Variants in DNAJC1 observed in about 807,000 individuals in gnomAD.
The protein encoded by DNAJC1 is DnaJ heat shock protein family (Hsp40) member C1.
DNAJC1 carries 58 observed loss-of-function variants against 76.6 expected under a neutral mutation model. The observed-to-expected ratio is 0.76, with a 90% CI of 0.61 to 0.94. The LOEUF (loss-of-function observed/expected upper bound fraction) is 0.94, where lower values mean the gene tolerates loss of function less well. DNAJC1 is among the 40% of genes least tolerant of loss of function. The pLI is 0.00. For synonymous variants in DNAJC1, 258 were observed against 267.9 expected (o/e 0.96, Z 0.36); for missense variants, 689 against 677.3 (o/e 1.02, Z -0.19).
chr10:21,886,846 T>C (rs1836373764), intron 7 of DNAJC1, among the ~76,000 whole-genome samples: 2 of 152,162 alleles, frequency 1.3e-5, no homozygotes, highest in African/African-American at 4.8e-5. Flanking sequence ...AAGGATGCCC[T>C]TTCTCACCAC....
In DNAJC1 at chr10:21,766,246, GA is replaced by G. The variant is rs772523771; in HGVS notation, c.1147+14del. 41 of 1,590,122 alleles carry G rather than the reference GA, an allele frequency of 2.6e-5. 1 individual carries two copies. The highest frequency in any genetic ancestry group is 5.2e-6 in the Non-Finnish European group (6 of 1,158,658). ...ACCACTTTAGATTAATGAGATAGAG[GA>G]AGTATGAACTCACCTGGGGAGCAGG... On this transcript the variant is annotated intron_variant, in intron 10 of 11. Coordinates refer to ENST00000376980, the MANE Select transcript of DNAJC1 (RefSeq NM_022365.4).
intron 2 of DNAJC1, 21 bp from the exon 3 acceptor site, chr10:21,928,573 T>C: frequency 6.3e-7 from 1 of 1,596,630 alleles, no homozygotes; most frequent in South Asian, 1.1e-5. Flanking sequence ...AGCATTACTT[T>C]AAAATAAAAA....
In DNAJC1 at chr10:21,876,196, C is replaced by T. The variant is rs1190909093; in HGVS notation, c.978+6086G>A. The stretch of plus-strand genomic sequence containing the variant: ...CATGATCTCTGCTCACTGCAACCTC[C>T]GATTCCTGGGTTCAAGAGATTCTCC... On this transcript the variant is annotated intron_variant, in intron 8 of 11. Coordinates refer to ENST00000376980, the MANE Select transcript of DNAJC1 (RefSeq NM_022365.4). Among the ~76,000 whole-genome samples, 9 of 151,826 alleles carry T rather than the reference C, an allele frequency of 5.9e-5. No homozygotes were observed. In the East Asian group the frequency reaches 1.6e-3, roughly 26 times the overall value.
chr10:21,849,521 CA>C lies in DNAJC1; in HGVS notation c.978+32760del, dbSNP rs969465228. Among the ~76,000 whole-genome samples, 6 of 151,594 alleles carry C rather than the reference CA, an allele frequency of 4.0e-5. No individual in the cohort carries two copies. In the East Asian group the frequency reaches 7.8e-4, roughly 20 times the overall value. On this transcript the variant is annotated intron_variant, in intron 8 of 11. Transcript: ENST00000376980. ...GACAAAACTGACAAGCCAATACTGA[CA>C]GGGGGAAAAAAAGAGGGGAGATGCA...
At chr10:21,835,514 C>T (rs529245200) in intron 8 of DNAJC1, among the ~76,000 whole-genome samples, 22 of 152,142 alleles carry the variant, frequency 1.4e-4, no homozygotes, top group African/African-American at 3.6e-4. Context: ...AGGCTTCAGA[C>T]GATCAAACTA....
In DNAJC1 at chr10:21,786,665, A is replaced by G. The variant is rs561459018; in HGVS notation, c.1098+19315T>C. ...TAATTTTGGTATTTTTAGTAGAGACAGAGTTTCACCATTTGGCCAGCCTGG... is the reference window on the plus strand; with the variant it reads ...TAATTTTGGTATTTTTAGTAGAGACGGAGTTTCACCATTTGGCCAGCCTGG... On this transcript the variant is annotated intron_variant, in intron 9 of 11. Coordinates refer to ENST00000376980, the MANE Select transcript of DNAJC1 (RefSeq NM_022365.4). Among the ~76,000 whole-genome samples the G allele has an allele frequency of 3.3e-5, 5 of 152,036 alleles. No individual in the cohort carries two copies. The East Asian group carries it at 9.7e-4, about 29-fold the overall frequency.
intron 1 of DNAJC1, among the ~76,000 whole-genome samples, chr10:21,948,019 T>G (rs1031255716): frequency 1.3e-5 from 2 of 152,000 alleles, no homozygotes; most frequent in Non-Finnish European, 2.9e-5. Context: ...ACCTCTCTAA[T>G]GTCATGATTC....
intron 8 of DNAJC1, among the ~76,000 whole-genome samples, chr10:21,813,768 TA>T (rs962460258): frequency 1.2e-4 from 19 of 152,278 alleles, no homozygotes; most frequent in Non-Finnish European, 2.4e-4. Flanking sequence ...TTGCCTGTTG[TA>T]AAAAATTTGA....
chr10:21,883,192 GT>G (rs1328382173), intron 7 of DNAJC1, among the ~76,000 whole-genome samples: 1 of 150,916 alleles, frequency 6.6e-6, no homozygotes, highest in Non-Finnish European at 1.5e-5. Flanking sequence ...GGAGGGTGGG[GT>G]TAGCCAAGAT....
chr10:21,805,347 T>A (rs1261991483), intron 9 of DNAJC1, among the ~76,000 whole-genome samples: 1 of 151,928 alleles, frequency 6.6e-6, no homozygotes, highest in Non-Finnish European at 1.5e-5. Context: ...TTCTAAAAAA[T>A]TTTCTGCTCT....
chr10:21,757,676 C>T (rs1413581946), intron 11 of DNAJC1, among the ~76,000 whole-genome samples: 3 of 152,178 alleles, frequency 2.0e-5, no homozygotes, highest in Non-Finnish European at 4.4e-5. Flanking sequence ...CTGCCAAAAC[C>T]AGATGTGGCC....
At chr10:21,908,173 ATATAATATATAAAAATATATATT>A in intron 6 of DNAJC1, among the ~76,000 whole-genome samples, 1 of 111,206 alleles carries the variant, frequency 9.0e-6, no homozygotes, top group South Asian at 2.3e-4. Flanking sequence ...AATATATAAT[ATATAATATATAAAAATATATATT>A]ATATATATAA....
chr10:21,934,237 A>T (rs1249095739), intron 1 of DNAJC1, among the ~76,000 whole-genome samples: 2 of 151,868 alleles, frequency 1.3e-5, no homozygotes, highest in African/African-American at 2.4e-5. Context: ...AAAACTAAAT[A>T]ATTTTAAATA....
chr10:21,854,350 TA>T (rs56109403), intron 8 of DNAJC1, among the ~76,000 whole-genome samples: 69,387 of 131,242 alleles, frequency 0.53, 19,517 homozygotes, highest in East Asian at 0.9. Flanking sequence ...TGTGGATCTT[TA>T]AAAAAAAAAA....
intron 7 of DNAJC1, among the ~76,000 whole-genome samples, chr10:21,886,278 C>A (rs1836365496): frequency 6.6e-6 from 1 of 151,960 alleles, no homozygotes; most frequent in Non-Finnish European, 1.5e-5. Flanking sequence ...AAGACTGAAC[C>A]AGAAAGAAAT....
intron 3 of DNAJC1, among the ~76,000 whole-genome samples, chr10:21,924,931 GA>G (rs1470286744): frequency 4.6e-5 from 7 of 152,140 alleles, no homozygotes; most frequent in Non-Finnish European, 8.8e-5. Context: ...TCTAAACTTA[GA>G]AAAGGTACAG....
intron 3 of DNAJC1, among the ~76,000 whole-genome samples, chr10:21,926,938 T>C (rs1285479760): frequency 1.2e-4 from 18 of 152,112 alleles, no homozygotes; most frequent in Admixed American, 1.2e-3. Context: ...TTTTGGTAAC[T>C]GAAAGAAATT....
Position 21,806,008 on chromosome 10 carries a change from GCAATCTT to G in DNAJC1, c.1063_1069del (p.Lys355ProfsTer8). ...TGTCACAGATCGACCCAATTCGTGG[GCAATCTT>G]TTCCCATCGACCTGGAGTCCCTCCT... is the stretch of plus-strand genomic sequence containing the variant. On this transcript the variant is annotated frameshift_variant, in exon 9 of 12. Transcript: ENST00000376980. LOFTEE classifies it high-confidence loss of function. The G allele has an allele frequency of 6.2e-7, 1 of 1,611,468 alleles. No individual in the cohort carries two copies. The highest frequency in any genetic ancestry group is 8.5e-7 in the Non-Finnish European group (1 of 1,179,524).
intron 9 of DNAJC1, among the ~76,000 whole-genome samples, chr10:21,782,923 G>C (rs1834552087): frequency 6.6e-6 from 1 of 152,176 alleles, no homozygotes; most frequent in Non-Finnish European, 1.5e-5. Context: ...AGCTATTTAT[G>C]ACAAACCCAC....
Sources: gnomAD v4.1 joint callset for allele counts (sites outside exome capture counted in the v4.1 genomes callset) on GRCh38, gnomAD v4.1.1 for gene constraint, MANE v1.5 for transcripts, NCBI Gene and HGNC (gene_info 2026-07-23, HGNC 2026-07-21) for gene names.